AKR1C2: variants seen among roughly 807,000 people sequenced by gnomAD.
AKR1C2 encodes the protein 3-alpha-HSD3.
In AKR1C2, 27 loss-of-function variants were observed where a neutral mutation model predicts 39.8. The observed-to-expected ratio is 0.68, with a 90% confidence interval of 0.50 to 0.93. AKR1C2 has a LOEUF of 0.93. AKR1C2 is among the 40% of genes least tolerant of loss of function. The probability of loss-of-function intolerance (pLI) is 0.00; values close to 1 mark genes in which losing one functional copy is unlikely to be tolerated. For synonymous variants in AKR1C2, 114 were observed against 137.9 expected, an observed-to-expected ratio of 0.83 and a Z score of 1.22; for missense variants, 263 against 365.1, an observed-to-expected ratio of 0.72 and a Z score of 2.28.
At chr10:4,992,925 G>C (rs553137184) in intron 7 of AKR1C2, among the ~76,000 whole-genome samples, 39 of 152,272 alleles carry the variant, frequency 2.6e-4, no homozygotes, top group African/African-American at 7.9e-4. Flanking sequence ...ACTCCACCCT[G>C]GGTGACAGAA....
intron 7 of AKR1C2, among the ~76,000 whole-genome samples, chr10:4,994,323 C>G (rs1836955032): frequency 6.6e-6 from 1 of 151,962 alleles, no homozygotes; most frequent in African/African-American, 2.4e-5. Flanking sequence ...TCACACATAT[C>G]ATATAAATGA....
At position 5,003,739 on chromosome 10, in the gene AKR1C2, A is replaced by G; in HGVS notation, c.84+13T>C. ...CTCCTTTGAACTCTCAACACTAAAA[A>G]TATTATTGTTACCTCTGCAGGCGCA... On this transcript the variant is annotated intron_variant, in intron 1 of 8. Coordinates refer to ENST00000380753, the MANE Select transcript of AKR1C2 (RefSeq NM_001393392.1). 1.2e-6 allele frequency: 2 copies of G among 1,610,726 alleles called. No homozygotes were observed. Among genetic ancestry groups the G allele is most frequent in the Non-Finnish European group, 8.5e-7 (1 of 1,177,150 alleles).
intron 3 of AKR1C2, chr10:5,000,269 A>G: frequency 6.8e-7 from 1 of 1,464,578 alleles, no homozygotes; most frequent in South Asian, 1.5e-5. Context: ...CATAAATAAG[A>G]CCTTGTGCCT....
intron 5 of AKR1C2, among the ~76,000 whole-genome samples, chr10:4,998,127 A>G (rs1267745606): frequency 2.0e-5 from 3 of 151,976 alleles, no homozygotes; most frequent in African/African-American, 7.2e-5. Context: ...TAGTGTATCT[A>G]TGCCCTTGGT....
At chr10:5,000,731 A>T in intron 2 of AKR1C2, 65 bp from the exon 3 acceptor site, 1 of 1,461,530 alleles carries the variant, frequency 6.8e-7, no homozygotes, top group South Asian at 1.3e-5. Flanking sequence ...AGTTTGCTCC[A>T]CCTAATATTT....
At chr10:5,008,048 G>A (rs1317746292), upstream of AKR1C2, among the ~76,000 whole-genome samples, 1 of 151,706 alleles carries the variant, frequency 6.6e-6, no homozygotes, top group East Asian at 1.9e-4. Flanking sequence ...GCAGGGTGCA[G>A]CCCACATGGC....
chr10:4,998,064 AG>A (rs1446582087), intron 5 of AKR1C2, among the ~76,000 whole-genome samples: 2 of 152,208 alleles, frequency 1.3e-5, no homozygotes, highest in African/African-American at 4.8e-5. Flanking sequence ...CTCCATAAAC[AG>A]GTCATTTTCT....
At chr10:5,001,766 A>C in intron 1 of AKR1C2, 85 bp from the exon 2 acceptor site, 2 of 1,576,828 alleles carry the variant, frequency 1.3e-6, no homozygotes, top group South Asian at 1.1e-5. Context: ...CACAAAAATC[A>C]GCTTTTCCTC....
chr10:5,000,488 A>C, intron 3 of AKR1C2, 62 bp downstream of exon 3: 1 of 1,613,556 alleles, frequency 6.2e-7, no homozygotes, highest in South Asian at 1.1e-5. Context: ...TCAAATCTCC[A>C]TGAAAACAAT....
At chr10:4,996,535 T>TTA (rs1175018776) in intron 5 of AKR1C2, among the ~76,000 whole-genome samples, 1 of 135,628 alleles carries the variant, frequency 7.4e-6, no homozygotes, top group Non-Finnish European at 1.6e-5. Context: ...TTCATATATA[T>TTA]TATATATATA....
At chr10:5,014,486 C>A (rs1362181189) in intron 1 of AKR1C2, among the ~76,000 whole-genome samples, 6 of 152,056 alleles carry the variant, frequency 3.9e-5, no homozygotes, top group Non-Finnish European at 7.4e-5. Context: ...ATTGGTTGAA[C>A]AAGGTGTGTT....
rs2131666466 is a variant in AKR1C2 at position 4,990,018 on chromosome 10, T to C, written c.950A>G (p.Tyr317Cys). The C allele has an allele frequency of 1.9e-6, 3 of 1,603,302 alleles. No individual in the cohort carries two copies. The highest frequency in any genetic ancestry group is 1.7e-4 in the Middle Eastern group (1 of 6,030). Residue 317 changes from tyrosine (Y) to cysteine (C), a missense_variant, in exon 9 of 9, where the codon TAT (tyrosine) becomes TGT (cysteine). Transcript: ENST00000380753. ...ATGTTAATATTCATCAGAAAATGGA[T>C]AATTAGGGGGGCCAGCAAAACTGGA... Reference protein sequence around the residue: ...TLDIFAGPPNYPFSDEY With the variant: ...TLDIFAGPPNCPFSDEY
chr10:5,009,142 G>A (rs1837468079), intron 1 of AKR1C2, among the ~76,000 whole-genome samples: 2 of 152,170 alleles, frequency 1.3e-5, no homozygotes, highest in African/African-American at 2.4e-5. Context: ...AGACAGAGAT[G>A]CCTAAAGCAA....
chr10:5,000,155 A>C, intron 3 of AKR1C2: 1 of 1,322,978 alleles, frequency 7.6e-7, no homozygotes, highest in Non-Finnish European at 9.6e-7. Context: ...AAGAGGCAAG[A>C]AGATGGAAAC....
chr10:4,997,455 G>A (rs1837095857), intron 5 of AKR1C2: 1 of 181,588 alleles, frequency 5.5e-6, no homozygotes, highest in African/African-American at 2.4e-5. Context: ...CTTCATTCCT[G>A]TGACATGCTT....
chr10:5,001,129 CTT>C (rs1322679892), intron 2 of AKR1C2, among the ~76,000 whole-genome samples: 1 of 152,154 alleles, frequency 6.6e-6, no homozygotes, highest in Non-Finnish European at 1.5e-5. Flanking sequence ...ACTGAGCTCT[CTT>C]ATATCGCTTT....
upstream of AKR1C2, among the ~76,000 whole-genome samples, chr10:5,008,532 T>G (rs1231962624): frequency 6.6e-6 from 1 of 152,070 alleles, no homozygotes; most frequent in Non-Finnish European, 1.5e-5. Context: ...ACTAAAACTT[T>G]CCACAGCTTG....
chr10:5,009,294 G>A (rs1193728390), intron 1 of AKR1C2, among the ~76,000 whole-genome samples: 1 of 152,118 alleles, frequency 6.6e-6, no homozygotes, highest in Admixed American at 6.5e-5. Context: ...CTGGATGAGT[G>A]ACAATTGCAC....
In AKR1C2 at chr10:4,989,989, C is replaced by G. The variant is rs1316610033; in HGVS notation, c.*7G>C. 2 of 1,610,226 alleles carry G rather than the reference C, an allele frequency of 1.2e-6. No homozygotes were observed. Among genetic ancestry groups the G allele is most frequent in the African/African-American group, 2.7e-5 (2 of 74,566 alleles). ...CTTCTGGCAGACCTCATGCAATGCCCTCCATGTTAATATTCATCAGAAAAT... is the reference window on the plus strand; with the variant it reads ...CTTCTGGCAGACCTCATGCAATGCCGTCCATGTTAATATTCATCAGAAAAT... On this transcript the variant is annotated 3_prime_UTR_variant, in exon 9 of 9. Transcript: ENST00000380753.
Sources: gnomAD v4.1 joint callset for allele counts (sites outside exome capture counted in the v4.1 genomes callset) on GRCh38, gnomAD v4.1.1 for gene constraint, MANE v1.5 for transcripts, NCBI Gene and HGNC (gene_info 2026-07-23, HGNC 2026-07-21) for gene names.